PADI1: variants seen among roughly 807,000 people sequenced by gnomAD.
PADI1 encodes protein-arginine deiminase type-1.
PADI1 carries 65 observed loss-of-function variants against 74.8 expected under a neutral mutation model. That is an observed-to-expected ratio of 0.87 (90% CI 0.71 to 1.07). The LOEUF is 1.07. PADI1 is among the 50% of genes least tolerant of loss of function. The pLI, the probability that PADI1 is intolerant of heterozygous loss-of-function variation, is 0.00. For missense variants in PADI1, 943 were observed against 854.0 expected (o/e 1.10, Z -1.30); for synonymous variants, 371 against 336.2 (o/e 1.10, Z -1.13).
chr1:17,206,960 C>T (rs775410464), intron 1 of PADI1, among the ~76,000 whole-genome samples: 2 of 152,112 alleles, frequency 1.3e-5, no homozygotes, highest in Non-Finnish European at 1.5e-5. Context: ...GGATTATAGG[C>T]GTGAGCCACC....
Position 17,225,666 on chromosome 1 carries a change from C to T in PADI1, c.409-145C>T, listed in dbSNP as rs947286269. 4.6e-6 allele frequency: 3 copies of T among 655,364 alleles called. No individual in the cohort carries two copies. In the Admixed American group the frequency reaches 7.9e-5, roughly 17 times the overall value. The allele number at this position is 655,364 out of a possible 1,614,324, so 40.6% of individuals were successfully genotyped here. Reference sequence around the variant, plus strand: ...GAGCCTTATCTGGAACTCCATTCCCCAAATAATCCTTTTTAAAATCTTTAA... The same window carrying T: ...GAGCCTTATCTGGAACTCCATTCCCTAAATAATCCTTTTTAAAATCTTTAA... On this transcript the variant is annotated intron_variant, in intron 4 of 15. Coordinates refer to ENST00000375471, the MANE Select transcript of PADI1 (RefSeq NM_013358.3).
intron 11 of PADI1, among the ~76,000 whole-genome samples, 187 bp downstream of exon 11, chr1:17,233,157 A>C (rs1409908979): frequency 6.6e-6 from 1 of 152,220 alleles, no homozygotes; most frequent in Non-Finnish European, 1.5e-5. Context: ...ATCTTAGGAG[A>C]AAAGTCACAC....
chr1:17,231,220 G>A (rs529403402), intron 10 of PADI1, among the ~76,000 whole-genome samples: 7 of 152,142 alleles, frequency 4.6e-5, no homozygotes, highest in Non-Finnish European at 8.8e-5. Context: ...GTATTCCATG[G>A]GGTACTCCTA....
At chr1:17,216,582 T>C (rs3115788) in intron 1 of PADI1, among the ~76,000 whole-genome samples, 21,069 of 151,994 alleles carry the variant, frequency 0.14, 2,042 homozygotes, top group African/African-American at 0.27. Flanking sequence ...TTTAAAATGC[T>C]TGGTAGGGCT....
intron 15 of PADI1, among the ~76,000 whole-genome samples, chr1:17,243,416 C>G (rs765613923): frequency 2.6e-5 from 4 of 152,222 alleles, no homozygotes; most frequent in Non-Finnish European, 5.9e-5. Context: ...AAATGTCAGT[C>G]TCATCATTCT....
At chr1:17,240,880 G>T in intron 15 of PADI1, 120 bp downstream of exon 15, 1 of 1,139,700 alleles carries the variant, frequency 8.8e-7, no homozygotes. Flanking sequence ...TCCAGTGTCT[G>T]TTTTTGTGAA....
chr1:17,228,844 G>A (rs1286437566), intron 7 of PADI1, 47 bp downstream of exon 7: 2 of 1,606,308 alleles, frequency 1.2e-6, no homozygotes, highest in Non-Finnish European at 1.7e-6. Context: ...GGGGTTTGGG[G>A]GCCCAGTTTG....
At chr1:17,223,832 C>T (rs1197557766) in intron 3 of PADI1, 139 bp downstream of exon 3, 1 of 694,382 alleles carries the variant, frequency 1.4e-6, no homozygotes, top group Non-Finnish European at 2.5e-6. Flanking sequence ...TCCTCGGGAC[C>T]TTCTGTCCAC....
At position 17,229,017 on chromosome 1, in the gene PADI1, A is replaced by G; in HGVS notation, c.895A>G (p.Asn299Asp). The change falls in exon 8 of 16, where the codon AAC (asparagine) becomes GAC (aspartate). Residue 299 changes from asparagine (N) to aspartate (D), a missense_variant. Coordinates refer to ENST00000375471, the MANE Select transcript of PADI1 (RefSeq NM_013358.3). Reference sequence around the variant, plus strand: ...CATGGCCCCCTGGATCATGACGCCCAACACTCAGCCTCCTGAGGAGCTGTA... The same window carrying G: ...CATGGCCCCCTGGATCATGACGCCCGACACTCAGCCTCCTGAGGAGCTGTA... ...FRMAPWIMTP[N>D]TQPPEELYVC... 1 of 1,584,546 alleles carries G rather than the reference A, an allele frequency of 6.3e-7. No homozygotes were observed. The highest frequency in any genetic ancestry group is 1.8e-5 in the Admixed American group (1 of 55,886).
chr1:17,205,937 A>G (rs915064128), intron 1 of PADI1, among the ~76,000 whole-genome samples: 1 of 152,160 alleles, frequency 6.6e-6, no homozygotes, highest in Non-Finnish European at 1.5e-5. Context: ...GATGGTGGCA[A>G]TGATGACATC....
chr1:17,224,720 G>A (rs2072261070), intron 4 of PADI1, among the ~76,000 whole-genome samples: 1 of 151,932 alleles, frequency 6.6e-6, no homozygotes, highest in Admixed American at 6.6e-5. Flanking sequence ...TTATTTTGAG[G>A]GCTATATTTG....
chr1:17,234,152 C>A (rs865885627), intron 11 of PADI1, among the ~76,000 whole-genome samples: 5 of 152,292 alleles, frequency 3.3e-5, no homozygotes, highest in Non-Finnish European at 5.9e-5. Context: ...TGGGATGAGT[C>A]CCCCAAACCA....
In PADI1 at chr1:17,228,175, A is replaced by T. The variant is rs576093847; in HGVS notation, c.653-450A>T. Among the ~76,000 whole-genome samples, 8 of 152,228 alleles carry T rather than the reference A, an allele frequency of 5.3e-5. 2 individuals carry two copies. The highest frequency in any genetic ancestry group is 1.9e-4 in the African/African-American group (8 of 41,550). On this transcript the variant is annotated intron_variant, in intron 6 of 15. Coordinates refer to ENST00000375471, the MANE Select transcript of PADI1 (RefSeq NM_013358.3). ...CTGGCTATTTTAAAAAATTTTTTGT[A>T]GAGATGGGGTCTCCCTATGTTACCC...
In PADI1 at chr1:17,225,887, C is replaced by G. The variant is rs2072294870; in HGVS notation, c.485C>G (p.Ala162Gly). 1 of 1,613,974 alleles carries G rather than the reference C, an allele frequency of 6.2e-7. No individual in the cohort carries two copies. The change falls in exon 5 of 16, where the codon GCA becomes GGA. Residue 162 changes from alanine to glycine, a missense_variant. Ala to Gly is a moderately conservative substitution (Grantham distance 60). Coordinates refer to ENST00000375471, the MANE Select transcript of PADI1 (RefSeq NM_013358.3). ...VNCDRDNHRS[A>G]EPDLTHSWLM... The stretch of plus-strand genomic sequence containing the variant: ...TGTGACCGGGACAATCACAGGTCCG[C>G]AGAGCCTGACCTCACCCACAGCTGG...
intron 14 of PADI1, 180 bp downstream of exon 14, chr1:17,239,963 C>G (rs1198324711): frequency 6.7e-6 from 4 of 597,698 alleles, no homozygotes; most frequent in Non-Finnish European, 1.2e-5. Context: ...ATGGAAGAGA[C>G]AGAGCCATGC....
intron 1 of PADI1, among the ~76,000 whole-genome samples, chr1:17,219,234 G>A (rs541200596): frequency 1.2e-3 from 178 of 152,180 alleles, no homozygotes; most frequent in African/African-American, 3.9e-3. Context: ...GGGGGTGGCC[G>A]CAGCGGGGGA....
chr1:17,219,446 G>A (rs1420787279), intron 1 of PADI1, among the ~76,000 whole-genome samples: 3 of 152,142 alleles, frequency 2.0e-5, no homozygotes, highest in Non-Finnish European at 4.4e-5. Context: ...AGGGGAGCTT[G>A]TAGTGGGTGC....
intron 11 of PADI1, among the ~76,000 whole-genome samples, chr1:17,234,328 C>T (rs1468107869): frequency 6.6e-6 from 1 of 152,214 alleles, no homozygotes; most frequent in Non-Finnish European, 1.5e-5. Context: ...GTTTCCTTAT[C>T]TTTAAAACGG....
intron 4 of PADI1, among the ~76,000 whole-genome samples, chr1:17,225,029 A>G (rs1385890157): frequency 6.6e-6 from 1 of 152,180 alleles, no homozygotes; most frequent in African/African-American, 2.4e-5. Flanking sequence ...TGTTCACTGC[A>G]CAAGACTGCT....
Sources: gnomAD v4.1 joint callset for allele counts (sites outside exome capture counted in the v4.1 genomes callset) on GRCh38, gnomAD v4.1.1 for gene constraint, MANE v1.5 for transcripts, NCBI Gene and HGNC (gene_info 2026-07-23, HGNC 2026-07-21) for gene names.